NPEPPS: variants seen among roughly 807,000 people sequenced by gnomAD.
NPEPPS encodes the protein puromycin-sensitive aminopeptidase.
In NPEPPS, 14 loss-of-function variants were observed where a neutral mutation model predicts 115.5. The ratio of observed to expected loss-of-function variants is 0.12; its 90% CI spans 0.08 to 0.19. The LOEUF is 0.19. Ranked by LOEUF, NPEPPS falls within the 10% of genes least tolerant of loss-of-function variation. The probability of loss-of-function intolerance (pLI) is 1.00; values close to 1 mark genes in which losing one functional copy is unlikely to be tolerated. For missense variants in NPEPPS, 523 were observed against 1,110.8 expected, an observed-to-expected ratio of 0.47 and a Z score of 7.52; for synonymous variants, 285 against 390.6, an observed-to-expected ratio of 0.73 and a Z score of 3.19.
At chr17:47,564,663 T>G (rs1910681559) in intron 2 of NPEPPS, among the ~76,000 whole-genome samples, 1 of 148,484 alleles carries the variant, frequency 6.7e-6, no homozygotes, top group Non-Finnish European at 1.5e-5. Context: ...AATATATAAA[T>G]ATACTAATTA....
At chr17:47,549,538 G>A (rs2143727126) in intron 2 of NPEPPS, among the ~76,000 whole-genome samples, 1 of 152,170 alleles carries the variant, frequency 6.6e-6, no homozygotes, top group South Asian at 2.1e-4. Flanking sequence ...CCAGCATTTT[G>A]GGAGGGCTAG....
At chr17:47,599,827 T>A (rs569142896) in intron 14 of NPEPPS, 88 bp downstream of exon 14, 3 of 161,892 alleles carry the variant, frequency 1.9e-5, no homozygotes, top group African/African-American at 7.5e-5. Flanking sequence ...GAAATTTTTC[T>A]TTTTTTTTTT....
chr17:47,549,447 A>T (rs1374887177), intron 2 of NPEPPS, among the ~76,000 whole-genome samples: 4 of 152,086 alleles, frequency 2.6e-5, no homozygotes, highest in African/African-American at 9.7e-5. Context: ...GTAATTTTAG[A>T]GTTTAAGAGA....
intron 1 of NPEPPS, among the ~76,000 whole-genome samples, chr17:47,533,040 A>G (rs1472049075): frequency 6.6e-6 from 1 of 152,218 alleles, no homozygotes; most frequent in African/African-American, 2.4e-5. Flanking sequence ...AAATGAAGTG[A>G]AGACTGGTGC....
chr17:47,611,951 G>T (rs1913899815), intron 17 of NPEPPS, among the ~76,000 whole-genome samples: 1 of 152,048 alleles, frequency 6.6e-6, no homozygotes, highest in Admixed American at 6.6e-5. Context: ...TCTCATTGTG[G>T]TTTTGATTTG....
At chr17:47,606,619 T>C (rs1033091448) in intron 17 of NPEPPS, among the ~76,000 whole-genome samples, 1 of 152,124 alleles carries the variant, frequency 6.6e-6, no homozygotes, top group Admixed American at 6.6e-5. Context: ...ATTTTTGTAT[T>C]TTTAGTAGAG....
chr17:47,608,449 G>A (rs1421198100), intron 17 of NPEPPS, among the ~76,000 whole-genome samples: 15 of 112,292 alleles, frequency 1.3e-4, no homozygotes, highest in South Asian at 1.3e-3. Flanking sequence ...GCGGGACTCC[G>A]TCTCAAAAAA....
At chr17:47,538,054 T>C (rs925009355) in intron 1 of NPEPPS, among the ~76,000 whole-genome samples, 33 of 151,312 alleles carry the variant, frequency 2.2e-4, no homozygotes, top group African/African-American at 7.0e-4. Flanking sequence ...CCACCACGCC[T>C]GGCTAATTTT....
At chr17:47,587,151 T>TA (rs1166494712) in intron 8 of NPEPPS, 79 bp from the exon 9 acceptor site, 1 of 1,418,648 alleles carries the variant, frequency 7.0e-7, no homozygotes, top group East Asian at 2.6e-5. Flanking sequence ...CCATCTGACT[T>TA]ACTGTCTGAA....
intron 2 of NPEPPS, among the ~76,000 whole-genome samples, chr17:47,549,905 C>G (rs373781391): frequency 6.7e-6 from 1 of 149,918 alleles, no homozygotes; most frequent in Non-Finnish European, 1.5e-5. Flanking sequence ...AAATTACTCT[C>G]AAGGCATGAA....
intron 17 of NPEPPS, among the ~76,000 whole-genome samples, chr17:47,608,685 T>G (rs1431248971): frequency 6.6e-6 from 1 of 152,066 alleles, no homozygotes; most frequent in African/African-American, 2.4e-5. Context: ...GTTCAGGATT[T>G]AGAGATTGTG....
At chr17:47,560,777 A>G (rs1910376866) in intron 2 of NPEPPS, among the ~76,000 whole-genome samples, 2 of 152,212 alleles carry the variant, frequency 1.3e-5, no homozygotes, top group African/African-American at 4.8e-5. Flanking sequence ...ACTGCTTTCT[A>G]AAACCACATA....
chr17:47,553,485 T>G (rs895366977), intron 2 of NPEPPS, among the ~76,000 whole-genome samples: 2 of 152,026 alleles, frequency 1.3e-5, no homozygotes, highest in Non-Finnish European at 2.9e-5. Flanking sequence ...ACGAAGAAAA[T>G]CTAGATAAAT....
chr17:47,553,614 G>A (rs1165321612), intron 2 of NPEPPS, among the ~76,000 whole-genome samples: 5 of 152,042 alleles, frequency 3.3e-5, no homozygotes, highest in Non-Finnish European at 5.9e-5. Flanking sequence ...TATATGCTAT[G>A]TTTTTCCCTA....
chr17:47,530,921 C>G (rs1384099665), upstream of NPEPPS: 2 of 151,662 alleles, frequency 1.3e-5, no homozygotes, highest in Admixed American at 6.6e-5. Context: ...AGGCCGCCCC[C>G]AGTCCTGAGC....
At chr17:47,570,346 C>T (rs1010373542) in intron 3 of NPEPPS, among the ~76,000 whole-genome samples, 4 of 152,142 alleles carry the variant, frequency 2.6e-5, no homozygotes, top group Non-Finnish European at 5.9e-5. Context: ...CGCCAGAAGC[C>T]AGGAAGTGGA....
Position 47,547,352 on chromosome 17 carries a change from CT to C in NPEPPS, c.340+1373del, listed in dbSNP as rs534500954. Among the ~76,000 whole-genome samples the C allele has an allele frequency of 2.1e-3, 300 of 143,546 alleles. 1 individual carries two copies. Among genetic ancestry groups the C allele is most frequent in the African/African-American group, 2.1e-3 (85 of 39,580 alleles). 94.2% of individuals were successfully genotyped at this position (143,546 alleles called of 152,430 possible). ...AGTATTGGAGCTGGATTGCTTTTTA[CT>C]TTTTTTTTTTTTTGAGAGAGTCTCG... On this transcript the variant is annotated intron_variant, in intron 2 of 22. Coordinates refer to ENST00000322157, the MANE Select transcript of NPEPPS (RefSeq NM_006310.4).
intron 1 of NPEPPS, among the ~76,000 whole-genome samples, chr17:47,540,365 A>T (rs1215315013): frequency 2.0e-5 from 3 of 152,136 alleles, no homozygotes; most frequent in Admixed American, 2.0e-4. Flanking sequence ...GAAGATTTTA[A>T]TGCTGAAATT....
chr17:47,525,402 G>C (rs368177539), intron 1 of NPEPPS, among the ~76,000 whole-genome samples: 1 of 152,284 alleles, frequency 6.6e-6, no homozygotes, highest in South Asian at 2.1e-4. Flanking sequence ...GGAATGCAAT[G>C]GCGTGATCTT....
Sources: gnomAD v4.1 joint callset for allele counts (sites outside exome capture counted in the v4.1 genomes callset) on GRCh38, gnomAD v4.1.1 for gene constraint, MANE v1.5 for transcripts, NCBI Gene and HGNC (gene_info 2026-07-23, HGNC 2026-07-21) for gene names.